The following TNRC6B variants were observed in gnomAD, a reference collection of about 807,000 sequenced individuals.
TNRC6B encodes the protein trinucleotide repeat-containing gene 6B protein.
In TNRC6B, 52 loss-of-function variants were observed where a neutral mutation model predicts 203.6. The observed-to-expected ratio is 0.26, with a 90% CI of 0.20 to 0.32. The LOEUF is 0.32. TNRC6B is among the 10% of genes least tolerant of loss of function. The pLI is 1.00. For missense variants in TNRC6B, 1,923 were observed against 2,286.2 expected (o/e 0.84, Z 3.24); for synonymous variants, 838 against 845.7 (o/e 0.99, Z 0.16).
At chr22:40,310,147 A>G (rs998818187) in intron 16 of TNRC6B, among the ~76,000 whole-genome samples, 4 of 152,198 alleles carry the variant, frequency 2.6e-5, no homozygotes, top group African/African-American at 9.7e-5. Flanking sequence ...CGACAAAACC[A>G]CTGAAGTGCT....
intron 1 of TNRC6B, among the ~76,000 whole-genome samples, chr22:40,071,897 G>A (rs886831513): frequency 3.3e-5 from 5 of 152,076 alleles, no homozygotes; most frequent in African/African-American, 1.2e-4. Context: ...TTGCTCCATC[G>A]CCCATGCTGG....
At chr22:40,092,959 G>A (rs1398564210) in intron 1 of TNRC6B, among the ~76,000 whole-genome samples, 1 of 152,232 alleles carries the variant, frequency 6.6e-6, no homozygotes, top group Non-Finnish European at 1.5e-5. Flanking sequence ...GTGTGTCAAG[G>A]ATGGGTTTTG....
At chr22:40,053,895 T>C (rs529652253) in intron 1 of TNRC6B, among the ~76,000 whole-genome samples, 1 of 152,218 alleles carries the variant, frequency 6.6e-6, no homozygotes, top group Admixed American at 6.5e-5. Context: ...AAAGCAAGTG[T>C]AAATCTGATC....
chr22:40,156,300 C>G, intron 4 of TNRC6B: 1 of 978,928 alleles, frequency 1.0e-6, no homozygotes, highest in East Asian at 2.7e-5. Flanking sequence ...GGGGAACTCA[C>G]CAGTTGCTTT....
rs933999713 is a variant in TNRC6B at position 40,331,509 on chromosome 22, C to T, written c.*8268C>T. On this transcript the variant is annotated 3_prime_UTR_variant, in exon 23 of 23. Transcript: ENST00000454349. ...GAGAACAGTCCCTCCCACTCGATTCCTTCAGCTTCATTCAGGAAGACACAG... is the reference window on the plus strand; with the variant it reads ...GAGAACAGTCCCTCCCACTCGATTCTTTCAGCTTCATTCAGGAAGACACAG... 2.7e-6 allele frequency: 1 copy of T among 370,332 alleles called. No homozygotes were observed. Among genetic ancestry groups the T allele is most frequent in the Non-Finnish European group, 4.8e-6 (1 of 206,872 alleles). 22.9% of individuals were successfully genotyped at this position (370,332 alleles called of 1,614,324 possible).
chr22:40,134,561 G>A (rs899652842), intron 3 of TNRC6B, among the ~76,000 whole-genome samples: 19 of 152,198 alleles, frequency 1.2e-4, no homozygotes, highest in African/African-American at 4.3e-4. Flanking sequence ...TTTAGTTAAT[G>A]TATCGGGTTG....
rs2071244293 is a variant in TNRC6B at position 40,315,419 on chromosome 22, G to C, written c.4815G>C (p.Leu1605=). The C allele has an allele frequency of 6.2e-7, 1 of 1,613,804 alleles. No individual in the cohort carries two copies. The highest frequency in any genetic ancestry group is 8.5e-7 in the Non-Finnish European group (1 of 1,179,876). ...CGCTGCCCCGCCCACCTCCTGGTCT[G>C]ACCAACCCCAAACCATCATCTCCCT... is the stretch of plus-strand genomic sequence containing the variant. ...TTPLPRPPPG[L]TNPKPSSPWS... is the part of the protein sequence containing the mutation. Residue 1605 remains leucine, a synonymous_variant, in exon 20 of 23, where the codon CTG becomes CTC. Transcript: ENST00000454349.
intron 1 of TNRC6B, among the ~76,000 whole-genome samples, chr22:40,245,101 TTATTTTTG>T (rs1484877085): frequency 6.6e-6 from 1 of 151,938 alleles, no homozygotes. Context: ...ATTTATTTAT[TTATTTTTG>T]AGGCGGAGTC....
intron 3 of TNRC6B, among the ~76,000 whole-genome samples, chr22:40,255,341 A>G (rs916021648): frequency 5.3e-5 from 8 of 152,230 alleles, no homozygotes; most frequent in Admixed American, 3.9e-4. Context: ...AGCTGGGGTT[A>G]TGGGCCATCG....
At chr22:40,094,188 C>T (rs1455179028) in intron 1 of TNRC6B, among the ~76,000 whole-genome samples, 4 of 152,062 alleles carry the variant, frequency 2.6e-5, no homozygotes, top group African/African-American at 7.2e-5. Context: ...ATGTAAAGCA[C>T]TATGAGTCCT....
chr22:40,228,744 T>A (rs1277825658), intron 1 of TNRC6B, among the ~76,000 whole-genome samples: 1 of 151,844 alleles, frequency 6.6e-6, no homozygotes. Flanking sequence ...CAGGATGGTC[T>A]CGATCTCCTG....
chr22:40,226,588 G>C (rs1295835750), intron 1 of TNRC6B, among the ~76,000 whole-genome samples: 1 of 152,170 alleles, frequency 6.6e-6, no homozygotes, highest in Non-Finnish European at 1.5e-5. Flanking sequence ...CACCTTCCTT[G>C]ATGGACTGCA....
intron 1 of TNRC6B, among the ~76,000 whole-genome samples, chr22:40,213,243 T>C (rs2069588672): frequency 6.6e-6 from 1 of 152,216 alleles, no homozygotes; most frequent in African/African-American, 2.4e-5. Flanking sequence ...TTTTATGTTA[T>C]ATATATTTTA....
chr22:40,316,576 G>A (rs7290341), intron 21 of TNRC6B, among the ~76,000 whole-genome samples: 2 of 152,138 alleles, frequency 1.3e-5, no homozygotes, highest in African/African-American at 2.4e-5. Context: ...CTTGAGCCCA[G>A]AATTGCATTG....
intron 1 of TNRC6B, among the ~76,000 whole-genome samples, chr22:40,244,511 C>A (rs1254168942): frequency 4.6e-5 from 7 of 151,694 alleles, no homozygotes; most frequent in Admixed American, 4.6e-4. Context: ...TCACGAGAGC[C>A]CACCTCAGTT....
chr22:40,148,484 A>T (rs765029031), intron 3 of TNRC6B, among the ~76,000 whole-genome samples: 1 of 151,980 alleles, frequency 6.6e-6, no homozygotes, highest in Non-Finnish European at 1.5e-5. Flanking sequence ...GAGTTTCACC[A>T]TGTTGGCCAG....
At chr22:40,198,034 A>G (rs1471642189) in intron 1 of TNRC6B, among the ~76,000 whole-genome samples, 1 of 152,168 alleles carries the variant, frequency 6.6e-6, no homozygotes, top group Non-Finnish European at 1.5e-5. Context: ...TTTTTAAAGG[A>G]TCTAAACTGT....
At chr22:40,274,426 T>C (rs1405749669) in intron 7 of TNRC6B, among the ~76,000 whole-genome samples, 2 of 150,890 alleles carry the variant, frequency 1.3e-5, no homozygotes, top group African/African-American at 4.9e-5. Context: ...ATATCTCTTT[T>C]TTTTTTTTTT....
intron 1 of TNRC6B, chr22:40,107,185 C>T (rs978910086): frequency 5.7e-6 from 3 of 529,292 alleles, no homozygotes; most frequent in South Asian, 2.6e-5. Context: ...TTAAGAAATC[C>T]TTCCCTACCC....
Sources: allele counts gnomAD v4.1 joint callset (sites outside exome capture counted in the v4.1 genomes callset), GRCh38; gene constraint gnomAD v4.1.1; transcripts MANE v1.5; gene names NCBI Gene and HGNC (gene_info 2026-07-23, HGNC 2026-07-21).